Variants in FSHR observed in about 807,000 individuals in gnomAD.
FSHR encodes follicle-stimulating hormone receptor.
FSHR carries 46 observed loss-of-function variants against 52.1 expected under a neutral mutation model. That is an observed-to-expected ratio of 0.88 (90% CI 0.70 to 1.13). FSHR has a LOEUF of 1.13. Ranked by LOEUF, FSHR falls within the 50% of genes most tolerant of loss-of-function variation. FSHR has a pLI of 0.00. For synonymous variants in FSHR, 399 were observed against 309.6 expected (o/e 1.29, Z -3.03); for missense variants, 964 against 834.6 (o/e 1.16, Z -1.91).
intron 2 of FSHR, among the ~76,000 whole-genome samples, chr2:49,061,469 T>C (rs1558418037): frequency 6.7e-6 from 1 of 149,850 alleles, no homozygotes; most frequent in African/African-American, 2.4e-5. Flanking sequence ...AAAAGGGACA[T>C]TATATAATGA....
intron 2 of FSHR, among the ~76,000 whole-genome samples, chr2:49,055,681 T>TA (rs894200896): frequency 2.0e-5 from 3 of 151,606 alleles, no homozygotes; most frequent in Non-Finnish European, 2.9e-5. Context: ...AGTCACATAT[T>TA]AAAAAATCCA....
intron 1 of FSHR, among the ~76,000 whole-genome samples, chr2:49,129,663 C>G (rs530896481): frequency 1.8e-4 from 27 of 152,266 alleles, no homozygotes; most frequent in East Asian, 1.7e-3. Context: ...TCTCAAGATA[C>G]TAACTGAACA....
At chr2:49,059,420 A>G (rs1669200709) in intron 2 of FSHR, among the ~76,000 whole-genome samples, 1 of 152,076 alleles carries the variant, frequency 6.6e-6, no homozygotes, top group Non-Finnish European at 1.5e-5. Flanking sequence ...TGGGGGAAAA[A>G]AAAAACAGAC....
intron 2 of FSHR, among the ~76,000 whole-genome samples, chr2:49,056,688 C>T (rs921489285): frequency 5.9e-5 from 9 of 151,830 alleles, no homozygotes; most frequent in Non-Finnish European, 8.8e-5. Context: ...ATTTCATCCA[C>T]CAGCTGCAGG....
intron 1 of FSHR, among the ~76,000 whole-genome samples, chr2:49,098,163 T>C (rs1670894694): frequency 6.6e-6 from 1 of 152,168 alleles, no homozygotes; most frequent in South Asian, 2.1e-4. Flanking sequence ...TCCTGATTGG[T>C]TTGAAATTTA....
At chr2:49,059,131 G>A (rs1463706362) in intron 2 of FSHR, among the ~76,000 whole-genome samples, 1 of 152,100 alleles carries the variant, frequency 6.6e-6, no homozygotes, top group Admixed American at 6.6e-5. Flanking sequence ...CTTGAGCCCA[G>A]GAGTTTGAGG....
At chr2:48,986,179 A>G (rs1675507307) in intron 6 of FSHR, among the ~76,000 whole-genome samples, 1 of 151,954 alleles carries the variant, frequency 6.6e-6, no homozygotes. Flanking sequence ...CCTAGAATCC[A>G]TGTGTTCTCA....
intron 2 of FSHR, among the ~76,000 whole-genome samples, chr2:49,057,362 A>G (rs931393342): frequency 6.6e-6 from 1 of 152,186 alleles, no homozygotes; most frequent in Non-Finnish European, 1.5e-5. Context: ...TAACATTACA[A>G]TGTTTACTAA....
At chr2:49,034,688 T>C (rs57559208) in intron 2 of FSHR, among the ~76,000 whole-genome samples, 14,542 of 152,262 alleles carry the variant, frequency 0.096, 1,020 homozygotes, top group African/African-American at 0.19. Context: ...CCTGGTGTTA[T>C]TACAGTTTTC....
At chr2:49,023,801 G>A (rs1209748464) in intron 2 of FSHR, among the ~76,000 whole-genome samples, 4 of 152,148 alleles carry the variant, frequency 2.6e-5, no homozygotes, top group East Asian at 3.9e-4. Context: ...TTCTGTACAT[G>A]AGATTCCATG....
At chr2:49,049,240 A>G (rs1007916131) in intron 2 of FSHR, among the ~76,000 whole-genome samples, 14 of 152,176 alleles carry the variant, frequency 9.2e-5, no homozygotes, top group Admixed American at 6.6e-4. Context: ...ACTGACAAAT[A>G]TAATTCACTG....
intron 2 of FSHR, among the ~76,000 whole-genome samples, chr2:49,044,833 T>C (rs553046040): frequency 5.1e-4 from 78 of 152,342 alleles, no homozygotes; most frequent in African/African-American, 1.9e-3. Flanking sequence ...GACTTGTGCT[T>C]CTTCCCTGAG....
At chr2:49,070,244 G>A (rs1669679505) in intron 1 of FSHR, among the ~76,000 whole-genome samples, 1 of 152,136 alleles carries the variant, frequency 6.6e-6, no homozygotes, top group Non-Finnish European at 1.5e-5. Flanking sequence ...GTCAAGAGTA[G>A]ATGAGTTTTG....
chr2:49,021,606 G>A (rs1667702324), intron 2 of FSHR, among the ~76,000 whole-genome samples: 2 of 151,788 alleles, frequency 1.3e-5, no homozygotes, highest in South Asian at 4.2e-4. Flanking sequence ...GCAGCAGTCT[G>A]CTGGTGCATC....
intron 2 of FSHR, among the ~76,000 whole-genome samples, chr2:49,055,183 T>C (rs952330174): frequency 4.0e-5 from 6 of 151,132 alleles, no homozygotes; most frequent in African/African-American, 1.2e-4. Flanking sequence ...CAAAGAGATA[T>C]CACAAAAAAA....
chr2:49,143,418 C>G (rs1394359708), intron 1 of FSHR, among the ~76,000 whole-genome samples: 2 of 152,148 alleles, frequency 1.3e-5, no homozygotes. Flanking sequence ...AATATAATCA[C>G]TGTACAAAAC....
At chr2:49,075,424 C>A (rs13034895) in intron 1 of FSHR, among the ~76,000 whole-genome samples, 72,997 of 151,370 alleles carry the variant, frequency 0.48, 18,251 homozygotes, top group East Asian at 0.76. Context: ...AATAAAAATT[C>A]ATTAAAAATA....
At chr2:49,007,188 C>T (rs1667102672) in intron 4 of FSHR, among the ~76,000 whole-genome samples, 1 of 152,070 alleles carries the variant, frequency 6.6e-6, no homozygotes, top group Non-Finnish European at 1.5e-5. Flanking sequence ...TTCCCACCAT[C>T]ATAGAGAAGT....
intron 1 of FSHR, among the ~76,000 whole-genome samples, chr2:49,150,459 CATT>C (rs1467510393): frequency 1.3e-5 from 2 of 152,086 alleles, no homozygotes; most frequent in East Asian, 1.9e-4. Context: ...TTGAGAGCAA[CATT>C]ATTATCATCA....
Sources: gnomAD v4.1 joint callset for allele counts (sites outside exome capture counted in the v4.1 genomes callset) on GRCh38, gnomAD v4.1.1 for gene constraint, MANE v1.5 for transcripts, NCBI Gene and HGNC (gene_info 2026-07-23, HGNC 2026-07-21) for gene names.